The following LRPPRC variants were observed in gnomAD, a reference collection of about 807,000 sequenced individuals.
The protein encoded by LRPPRC is leucine-rich PPR motif-containing protein, mitochondrial.
LRPPRC carries 120 observed loss-of-function variants against 180.3 expected under a neutral mutation model. That is an observed-to-expected ratio of 0.67 (90% CI 0.57 to 0.77). The LOEUF is 0.77. LRPPRC is among the 30% of genes least tolerant of loss of function. The pLI, the probability that LRPPRC is intolerant of heterozygous loss-of-function variation, is 0.00. For missense variants in LRPPRC, 2,012 were observed against 1,657.2 expected (o/e 1.21, Z -3.72); for synonymous variants, 723 against 600.0 (o/e 1.21, Z -3.00).
At chr2:43,978,490 T>C (rs184073828) in intron 3 of LRPPRC, among the ~76,000 whole-genome samples, 2 of 152,298 alleles carry the variant, frequency 1.3e-5, no homozygotes, top group Admixed American at 1.3e-4. Context: ...TGCTGTGTAA[T>C]GCTTTTTTCT....
intron 1 of LRPPRC, among the ~76,000 whole-genome samples, chr2:43,993,247 A>G (rs1235788131): frequency 6.6e-6 from 1 of 152,248 alleles, no homozygotes; most frequent in Non-Finnish European, 1.5e-5. Flanking sequence ...AAGGACAGCT[A>G]TCAATGAATG....
At chr2:43,977,803 T>C (rs1240146810) in intron 3 of LRPPRC, among the ~76,000 whole-genome samples, 2 of 152,176 alleles carry the variant, frequency 1.3e-5, no homozygotes, top group African/African-American at 4.8e-5. Flanking sequence ...GTTTTCTTTG[T>C]ATCCCTACTG....
chr2:43,943,153 G>A (rs1046467691), intron 23 of LRPPRC, among the ~76,000 whole-genome samples: 20 of 152,100 alleles, frequency 1.3e-4, no homozygotes, highest in African/African-American at 4.8e-4. Context: ...TGCAAATAAT[G>A]CCTTAAATTG....
intron 11 of LRPPRC, among the ~76,000 whole-genome samples, chr2:43,968,504 A>G (rs1250128432): frequency 1.3e-5 from 2 of 152,338 alleles, no homozygotes; most frequent in East Asian, 1.9e-4. Context: ...AGAATTTTCA[A>G]TATTACCACT....
At position 43,901,517 on chromosome 2, in the gene LRPPRC, C is replaced by G. The variant is rs1185192154; in HGVS notation, c.3372G>C (p.Val1124=). 3.1e-6 allele frequency: 5 copies of G among 1,609,850 alleles called. 1 individual carries two copies. The Middle Eastern group carries it at 8.3e-4, about 266-fold the overall frequency. Residue 1124 remains valine, a synonymous_variant, in exon 32 of 38, where the codon GTG becomes GTC. Coordinates refer to ENST00000260665, the MANE Select transcript of LRPPRC (RefSeq NM_133259.4). ...GATCCAATACTGTTTTCAGTGTTGTCACAGCCTCTAAAATACAAGAGCAGG... is the reference window on the plus strand; with the variant it reads ...GATCCAATACTGTTTTCAGTGTTGTGACAGCCTCTAAAATACAAGAGCAGG... The part of the protein sequence containing the change: ...QVRRDYLKEA[V]TTLKTVLDQQ...
chr2:43,910,206 G>A (rs1244280081), intron 30 of LRPPRC, among the ~76,000 whole-genome samples: 1 of 151,400 alleles, frequency 6.6e-6, no homozygotes, highest in Non-Finnish European at 1.5e-5. Context: ...GAACACTCCA[G>A]GGTAAGGCAA....
rs368594906 is a variant in LRPPRC, at chr2:43,901,384, C to T, written c.3505G>A (p.Glu1169Lys). ...EVVQKMLNGLEDSIGLSKMVF... is the reference protein window; with the variant it reads ...EVVQKMLNGLKDSIGLSKMVF... ...ATTTTTGAAAGTCCAATGGAGTCTT[C>T]GAGTCCATTTAACATCTTCTGAACT... Residue 1169 changes from glutamate to lysine, a missense_variant, in exon 32 of 38, where the codon GAA (glutamate) becomes AAA (lysine). Coordinates refer to ENST00000260665, the MANE Select transcript of LRPPRC (RefSeq NM_133259.4). The T allele has an allele frequency of 2.0e-5, 33 of 1,613,210 alleles. No individual in the cohort carries two copies. Among genetic ancestry groups the T allele is most frequent in the East Asian group, 6.7e-5 (3 of 44,880 alleles).
chr2:43,945,315 T>G lies in LRPPRC; in HGVS notation c.2296+17A>C. 1 of 1,560,384 alleles carries G rather than the reference T, an allele frequency of 6.4e-7. No homozygotes were observed. Among genetic ancestry groups the G allele is most frequent in the Non-Finnish European group, 8.8e-7 (1 of 1,131,240 alleles). On this transcript the variant is annotated intron_variant, in intron 22 of 37. Transcript: ENST00000260665. The stretch of plus-strand genomic sequence containing the variant: ...AGATACTTGCATCACATATTTCCTT[T>G]ATGTGCTGAGGCTTACCTTGGAGCT...
chr2:43,986,711 A>G (rs983253563), intron 1 of LRPPRC, among the ~76,000 whole-genome samples: 5 of 152,092 alleles, frequency 3.3e-5, no homozygotes, highest in Admixed American at 3.3e-4. Context: ...TCATTCTGAG[A>G]CGGTCTCATT....
chr2:43,941,390 G>T (rs961666185), intron 23 of LRPPRC, among the ~76,000 whole-genome samples: 1 of 152,144 alleles, frequency 6.6e-6, no homozygotes, highest in East Asian at 1.9e-4. Flanking sequence ...ATGAAAGGGT[G>T]AAGATTTATG....
At chr2:43,931,017 G>T (rs1672068732) in intron 25 of LRPPRC, among the ~76,000 whole-genome samples, 1 of 151,852 alleles carries the variant, frequency 6.6e-6, no homozygotes, top group South Asian at 2.1e-4. Flanking sequence ...TTTTTTCCAA[G>T]ACCAGACATT....
chr2:43,938,442 A>G (rs1672352763), intron 23 of LRPPRC, among the ~76,000 whole-genome samples: 1 of 152,208 alleles, frequency 6.6e-6, no homozygotes. Flanking sequence ...AAATTTGGAA[A>G]CTTAAAATAG....
chr2:43,968,237 T>C (rs937481190), intron 11 of LRPPRC, among the ~76,000 whole-genome samples: 6 of 152,348 alleles, frequency 3.9e-5, no homozygotes, highest in African/African-American at 1.4e-4. Flanking sequence ...AATGGAAATA[T>C]GCCAGGAACT....
rs774722291 is a variant in LRPPRC, at chr2:43,887,815, C to T, written c.*785G>A. On this transcript the variant is annotated 3_prime_UTR_variant, in exon 38 of 38. Transcript: ENST00000260665. The stretch of plus-strand genomic sequence containing the variant: ...TATTTTACCCCTTCATAGATGAAAT[C>T]ACATCTTTTCAGGATATGAGTATAA... 5.3e-5 allele frequency: 8 copies of T among 152,150 alleles called. No individual in the cohort carries two copies. Among genetic ancestry groups the T allele is most frequent in the Non-Finnish European group, 1.0e-4 (7 of 68,032 alleles). The allele number at this position is 152,150 out of a possible 1,614,324, so 9.4% of individuals were successfully genotyped here. A position where few individuals can be genotyped will look rare whatever the true frequency, so the allele number is the denominator to read the frequency against.
chr2:43,957,844 A>AT (rs1673186173), intron 13 of LRPPRC, among the ~76,000 whole-genome samples: 1 of 152,166 alleles, frequency 6.6e-6, no homozygotes, highest in Admixed American at 6.5e-5. Flanking sequence ...AAGACAGCAC[A>AT]TGAGAGGAAA....
intron 21 of LRPPRC, 96 bp from the exon 22 acceptor site, chr2:43,945,513 A>G (rs760063217): frequency 5.2e-6 from 4 of 772,462 alleles, no homozygotes; most frequent in Non-Finnish European, 9.2e-6. Flanking sequence ...AGCTCATCAG[A>G]AGACCTGAAC....
chr2:43,920,567 C>T (rs1671664850), intron 27 of LRPPRC, among the ~76,000 whole-genome samples: 1 of 152,084 alleles, frequency 6.6e-6, no homozygotes, highest in Non-Finnish European at 1.5e-5. Flanking sequence ...ACATTTACAA[C>T]CAATTTTCAA....
intron 29 of LRPPRC, among the ~76,000 whole-genome samples, chr2:43,917,540 A>C (rs1467866051): frequency 1.3e-5 from 2 of 151,710 alleles, no homozygotes; most frequent in Admixed American, 1.3e-4. Flanking sequence ...CTATAATCCC[A>C]GCACTTTGGG....
In LRPPRC at chr2:43,995,974, C is replaced by G. The variant is rs1184347573; in HGVS notation, c.-27G>C. ...GCTCGAACGTCCCCGCAGCGGGAAG[C>G]ACGCTCCGCCAGAAGGACAGGAGGA... On this transcript the variant is annotated 5_prime_UTR_variant, in exon 1 of 38. Transcript: ENST00000260665. The G allele has an allele frequency of 6.6e-7, 1 of 1,523,464 alleles. No individual in the cohort carries two copies. Among genetic ancestry groups the G allele is most frequent in the East Asian group, 2.5e-5 (1 of 39,220 alleles). 94.4% of individuals were successfully genotyped at this position (1,523,464 alleles called of 1,614,324 possible). A position where few individuals can be genotyped will look rare whatever the true frequency, so the allele number is the denominator to read the frequency against.
Sources: gnomAD v4.1 joint callset for allele counts (sites outside exome capture counted in the v4.1 genomes callset) on GRCh38, gnomAD v4.1.1 for gene constraint, MANE v1.5 for transcripts, NCBI Gene and HGNC (gene_info 2026-07-23, HGNC 2026-07-21) for gene names.